The following GCNT2 variants were observed in gnomAD, a reference collection of about 807,000 sequenced individuals.
GCNT2 encodes the protein glucosaminyl (N-acetyl) transferase 2 (I blood group), also known as N-acetyllactosaminide beta-1,6-N-acetylglucosaminyl-transferase.
In GCNT2, 34 loss-of-function variants were observed where a neutral mutation model predicts 34.2. The ratio of observed to expected loss-of-function variants is 1.00; its 90% confidence interval spans 0.76 to 1.32. GCNT2 has a LOEUF of 1.32. GCNT2 is among the 40% of genes most tolerant of loss of function. GCNT2 has a pLI of 0.00. For synonymous variants in GCNT2, 212 were observed against 188.0 expected, an observed-to-expected ratio of 1.13 and a Z score of -1.04; for missense variants, 584 against 489.4, an observed-to-expected ratio of 1.19 and a Z score of -1.82.
intron 3 of GCNT2, among the ~76,000 whole-genome samples, chr6:10,616,918 T>C (rs995212721): frequency 6.6e-6 from 1 of 152,192 alleles, no homozygotes; most frequent in Non-Finnish European, 1.5e-5. Flanking sequence ...AGAGTGCTGA[T>C]TGGTGTATTT....
Position 10,626,701 on chromosome 6 carries a change from T to C in GCNT2, c.*94T>C. The stretch of plus-strand genomic sequence containing the variant: ...ACTTTTGCCTTCGTAATGTTAACCG[T>C]TTCAGGACCACGTTTATAGCTTCAG... On this transcript the variant is annotated 3_prime_UTR_variant, in exon 5 of 5. Coordinates refer to ENST00000495262, the MANE Select transcript of GCNT2 (RefSeq NM_145649.5). The C allele has an allele frequency of 2.3e-6, 2 of 872,446 alleles. No homozygotes were observed. The highest frequency in any genetic ancestry group is 2.5e-5 in the East Asian group (1 of 40,272). 54.0% of individuals were successfully genotyped at this position (872,446 alleles called of 1,614,324 possible). A position where few individuals can be genotyped will look rare whatever the true frequency, so the allele number is the denominator to read the frequency against.
rs1761330889 is a variant in GCNT2 at position 10,528,910 on chromosome 6, G to T, written c.-2G>T. The T allele has an allele frequency of 6.2e-7, 1 of 1,608,246 alleles. No individual in the cohort carries two copies. The highest frequency in any genetic ancestry group is 1.1e-5 in the South Asian group (1 of 90,962). On this transcript the variant is annotated 5_prime_UTR_variant, in exon 3 of 5. Transcript: ENST00000495262. ...GATATTTTACTCATTTCCTGGTTGT[G>T]AATGATGGGCTCTTGGAAGCACTGT...
chr6:10,543,123 G>A (rs1226009), intron 3 of GCNT2, among the ~76,000 whole-genome samples: 27,302 of 151,178 alleles, frequency 0.18, 3,678 homozygotes, highest in African/African-American at 0.38. Context: ...GGCTAGGCTG[G>A]TCTCAAACGC....
Position 10,529,169 on chromosome 6 carries a change from AAC to A in GCNT2, c.261_262del (p.Ser89Ter), listed in dbSNP as rs758181147. ...TGGTTCGAAGCCACTATGTAACAGAAACACTCTCTGAAGAAGAGGCTGGGTTC... is the reference window on the plus strand; with the variant it reads ...TGGTTCGAAGCCACTATGTAACAGAAACTCTCTGAAGAAGAGGCTGGGTTC... ...YMVRSHYVTE[T>X]LSEEEAGFPL... On this transcript the variant is annotated frameshift_variant, in exon 3 of 5. Coordinates refer to ENST00000495262, the MANE Select transcript of GCNT2 (RefSeq NM_145649.5). LOFTEE classifies it high-confidence loss of function. 2.2e-5 allele frequency: 35 copies of A among 1,614,172 alleles called. No homozygotes were observed. The African/African-American group carries it at 4.3e-4, about 20-fold the overall frequency.
intron 3 of GCNT2, among the ~76,000 whole-genome samples, chr6:10,562,402 A>C (rs1050567797): frequency 6.6e-6 from 1 of 152,168 alleles, no homozygotes; most frequent in Non-Finnish European, 1.5e-5. Context: ...GGGAGACCTC[A>C]GATTGGCCCT....
At chr6:10,566,085 C>T (rs1389966395) in intron 3 of GCNT2, among the ~76,000 whole-genome samples, 1 of 152,178 alleles carries the variant, frequency 6.6e-6, no homozygotes, top group Non-Finnish European at 1.5e-5. Flanking sequence ...GATCCCTGTT[C>T]TGCCACTCCC....
intron 3 of GCNT2, among the ~76,000 whole-genome samples, chr6:10,546,310 T>G (rs756330635): frequency 6.6e-6 from 1 of 152,170 alleles, no homozygotes; most frequent in African/African-American, 2.4e-5. Flanking sequence ...ACTGAACCCC[T>G]GTGTAGCCAA....
intron 3 of GCNT2, among the ~76,000 whole-genome samples, chr6:10,551,456 T>G (rs1762475019): frequency 6.6e-6 from 1 of 150,850 alleles, no homozygotes. Context: ...AATTTATTTT[T>G]TTTTTTTGAG....
intron 3 of GCNT2, among the ~76,000 whole-genome samples, chr6:10,555,372 G>A (rs982095544): frequency 2.0e-5 from 3 of 152,086 alleles, no homozygotes; most frequent in African/African-American, 7.2e-5. Context: ...TTACAAATAG[G>A]GGATAAAAAC....
chr6:10,617,856 A>G (rs1765860814), intron 3 of GCNT2, among the ~76,000 whole-genome samples: 1 of 149,654 alleles, frequency 6.7e-6, no homozygotes, highest in South Asian at 2.1e-4. Context: ...CCAGGTTCAA[A>G]CAATTCTTCT....
At position 10,574,966 on chromosome 6, in the gene GCNT2, C is replaced by A. The variant is rs950674110; in HGVS notation, c.925+45130C>A. On this transcript the variant is annotated intron_variant, in intron 3 of 4. Transcript: ENST00000495262. ...AATGTGCTCAATACACACATTAATT[C>A]TCTTGGCAAGAATCTTGCCCTTAAC... 5.5e-6 allele frequency: 4 copies of A among 723,940 alleles called. No individual in the cohort carries two copies. The African/African-American group carries it at 6.9e-5, about 13-fold the overall frequency. The allele number at this position is 723,940 out of a possible 1,614,324, so 44.8% of individuals were successfully genotyped here. A position where few individuals can be genotyped will look rare whatever the true frequency, so the allele number is the denominator to read the frequency against.
rs117612570 is a variant in GCNT2 at position 10,546,260 on chromosome 6, A to G, written c.925+16424A>G. Among the ~76,000 whole-genome samples, 943 of 152,266 alleles carry G rather than the reference A, an allele frequency of 6.2e-3. 48 individuals are homozygous for G. In the East Asian group the frequency reaches 0.1, roughly 16 times the overall value. ...CCATTTTATCTACAGGTTTCAGACA[A>G]ATGCAGTTGACCAGTGCCAACAATG... is the stretch of plus-strand genomic sequence containing the variant. On this transcript the variant is annotated intron_variant, in intron 3 of 4. Coordinates refer to ENST00000495262, the MANE Select transcript of GCNT2 (RefSeq NM_145649.5).
At chr6:10,560,026 G>A (rs186557982) in intron 3 of GCNT2, among the ~76,000 whole-genome samples, 1 of 152,262 alleles carries the variant, frequency 6.6e-6, no homozygotes, top group East Asian at 1.9e-4. Context: ...AGCATTCTTT[G>A]TGATTTAAGA....
chr6:10,576,402 G>A (rs995684889), intron 3 of GCNT2, among the ~76,000 whole-genome samples: 3 of 152,204 alleles, frequency 2.0e-5, no homozygotes, highest in Non-Finnish European at 4.4e-5. Flanking sequence ...AAACACTGAT[G>A]CCTGAAGTAG....
chr6:10,522,178 G>A (rs1760945970), intron 1 of GCNT2, among the ~76,000 whole-genome samples: 4 of 152,074 alleles, frequency 2.6e-5, no homozygotes, highest in Non-Finnish European at 2.9e-5. Context: ...GTGAGCCACC[G>A]TCCACAGCCT....
chr6:10,616,933 T>C (rs1023084935), intron 3 of GCNT2, among the ~76,000 whole-genome samples: 8 of 152,330 alleles, frequency 5.3e-5, no homozygotes, highest in African/African-American at 1.4e-4. Flanking sequence ...GTATTTACAA[T>C]CCCTTAGCTA....
At chr6:10,607,382 T>TG (rs1333019700) in intron 3 of GCNT2, among the ~76,000 whole-genome samples, 1 of 151,978 alleles carries the variant, frequency 6.6e-6, no homozygotes, top group Non-Finnish European at 1.5e-5. Context: ...AACGGGGAGA[T>TG]GCCACACACT....
At chr6:10,584,939 T>C (rs1188373521) in intron 3 of GCNT2, among the ~76,000 whole-genome samples, 1 of 152,122 alleles carries the variant, frequency 6.6e-6, no homozygotes, top group African/African-American at 2.4e-5. Context: ...ACACTGACTC[T>C]TTCATGTAAA....
chr6:10,600,962 T>G (rs1765065676), intron 3 of GCNT2, among the ~76,000 whole-genome samples: 1 of 152,064 alleles, frequency 6.6e-6, no homozygotes, highest in Non-Finnish European at 1.5e-5. Flanking sequence ...AGCAAATTTT[T>G]TGTATTTTTT....
Sources: gnomAD v4.1 joint callset for allele counts (sites outside exome capture counted in the v4.1 genomes callset) on GRCh38, gnomAD v4.1.1 for gene constraint, MANE v1.5 for transcripts, NCBI Gene and HGNC (gene_info 2026-07-23, HGNC 2026-07-21) for gene names.